TRAM2: variants seen among roughly 807,000 people sequenced by gnomAD.
TRAM2 encodes translocation associated membrane protein 2.
TRAM2 carries 12 observed loss-of-function variants against 51.0 expected under a neutral mutation model. That is an observed-to-expected ratio of 0.24 (90% CI 0.15 to 0.38). The LOEUF (loss-of-function observed/expected upper bound fraction) is 0.38. Ranked by LOEUF, TRAM2 falls within the 10% of genes least tolerant of loss-of-function variation. The probability of loss-of-function intolerance (pLI) is 1.00; values close to 1 mark genes in which losing one functional copy is unlikely to be tolerated. For missense variants in TRAM2, 361 were observed against 462.0 expected (o/e 0.78, Z 2.00); for synonymous variants, 175 against 179.4 (o/e 0.98, Z 0.20).
intron 2 of TRAM2, among the ~76,000 whole-genome samples, chr6:52,528,327 G>A (rs1307973385): frequency 1.3e-5 from 2 of 152,020 alleles, no homozygotes; most frequent in Non-Finnish European, 1.5e-5. Flanking sequence ...GCTTTCATCC[G>A]TAATCAAGTA....
At chr6:52,549,704 T>C (rs1767275384) in intron 1 of TRAM2, among the ~76,000 whole-genome samples, 1 of 152,156 alleles carries the variant, frequency 6.6e-6, no homozygotes, top group South Asian at 2.1e-4. Flanking sequence ...TGCAAATCAC[T>C]GGGGCAAGAG....
chr6:52,516,820 G>T, intron 2 of TRAM2, 83 bp from the exon 3 acceptor site: 1 of 1,049,608 alleles, frequency 9.5e-7, no homozygotes, highest in Non-Finnish European at 1.5e-6. Flanking sequence ...GATGGGAGGC[G>T]AAATGCGCCA....
At chr6:52,546,872 C>G (rs1202819849) in intron 1 of TRAM2, among the ~76,000 whole-genome samples, 1 of 152,266 alleles carries the variant, frequency 6.6e-6, no homozygotes, top group East Asian at 1.9e-4. Flanking sequence ...AGCCCGTGAC[C>G]AGGTTTTTGT....
intron 2 of TRAM2, among the ~76,000 whole-genome samples, chr6:52,534,740 T>C (rs1056474616): frequency 2.6e-5 from 4 of 152,240 alleles, no homozygotes; most frequent in Non-Finnish European, 4.4e-5. Context: ...TCACAGGTTT[T>C]ACACTCCTAT....
chr6:52,545,173 A>T (rs1162711809), intron 1 of TRAM2, among the ~76,000 whole-genome samples: 1 of 152,242 alleles, frequency 6.6e-6, no homozygotes, highest in Non-Finnish European at 1.5e-5. Flanking sequence ...GCCCAGGAAG[A>T]AAACCAAAAA....
In TRAM2 at chr6:52,558,485, T is replaced by C. The variant is rs145748202; in HGVS notation, c.120+18311A>G. Among the ~76,000 whole-genome samples the C allele has an allele frequency of 2.0e-3, 303 of 152,310 alleles. 1 individual carries two copies. Among genetic ancestry groups the C allele is most frequent in the African/African-American group, 6.9e-3 (287 of 41,570 alleles). ...AGAGTTCTGGAGATTGGTTGCACAA[T>C]GTGGATGTGCTTAACACTACTTAAC... On this transcript the variant is annotated intron_variant, in intron 1 of 10. Transcript: ENST00000182527.
At chr6:52,543,832 G>A (rs1358462270) in intron 1 of TRAM2, among the ~76,000 whole-genome samples, 1 of 152,156 alleles carries the variant, frequency 6.6e-6, no homozygotes, top group Non-Finnish European at 1.5e-5. Context: ...GGAACTTCTG[G>A]CATTTCCTGG....
At position 52,503,213 on chromosome 6, in the gene TRAM2, T is replaced by G; in HGVS notation, c.1097A>C (p.Lys366Thr). 1 of 1,613,546 alleles carries G rather than the reference T, an allele frequency of 6.2e-7. No homozygotes were observed. Among genetic ancestry groups the G allele is most frequent in the Non-Finnish European group, 8.5e-7 (1 of 1,179,894 alleles). The change falls in exon 11 of 11, where the codon AAA (lysine) becomes ACA (threonine). Residue 366 changes from lysine to threonine, a missense_variant. By Grantham distance (78) the Lys-to-Thr change is moderately conservative. Transcript: ENST00000182527. ...ACTTTGGCCTTAGGGAGACTTGAGT[T>G]TCTTAGTCCGTGGGGAGGTTCCGTT... is the stretch of plus-strand genomic sequence containing the variant. ...AENGTSPRTKKLKSP is the reference protein window; with the variant it reads ...AENGTSPRTKTLKSP
In TRAM2 at chr6:52,509,429, G is replaced by C. The variant is rs952260079; in HGVS notation, c.470+99C>G. On this transcript the variant is annotated intron_variant, in intron 5 of 10. Coordinates refer to ENST00000182527, the MANE Select transcript of TRAM2 (RefSeq NM_012288.4). ...GGCTCAGGGCATGATCTGCTCGTCA[G>C]GCCAGCTGGGCCTGTGGTGTTCTGG... The C allele has an allele frequency of 3.4e-6, 4 of 1,179,196 alleles. No individual in the cohort carries two copies. In the African/African-American group the frequency reaches 6.1e-5, roughly 18 times the overall value. The allele number at this position is 1,179,196 out of a possible 1,614,324, so 73.0% of individuals were successfully genotyped here.
Position 52,516,014 on chromosome 6 carries a change from C to T in TRAM2, c.403G>A (p.Val135Met), listed in dbSNP as rs775044926. The T allele has an allele frequency of 6.1e-5, 99 of 1,614,084 alleles. No individual in the cohort carries two copies. The highest frequency in any genetic ancestry group is 8.1e-5 in the Non-Finnish European group (96 of 1,180,032). The change falls in exon 4 of 11, where the codon GTG becomes ATG. Residue 135 changes from valine (V) to methionine (M), a missense_variant. By Grantham distance (21) the Val-to-Met change is conservative. Transcript: ENST00000182527. ...TCCTGAGAATGGCTCACCGTCACCACCACGTAGAAGCACCAAATCACCGAG... is the reference window on the plus strand; with the variant it reads ...TCCTGAGAATGGCTCACCGTCACCATCACGTAGAAGCACCAAATCACCGAG... Reference protein sequence around the residue: ...FTSVIWCFYVVVTEGYLTNPR... With the variant: ...FTSVIWCFYVMVTEGYLTNPR...
chr6:52,523,559 T>A (rs987350238), intron 2 of TRAM2: 1 of 152,258 alleles, frequency 6.6e-6, no homozygotes, highest in Non-Finnish European at 1.5e-5. Flanking sequence ...GACAATATAT[T>A]CTTGCTAAGG....
intron 1 of TRAM2, among the ~76,000 whole-genome samples, chr6:52,547,963 AT>A (rs1224419562): frequency 6.6e-6 from 1 of 152,252 alleles, no homozygotes; most frequent in African/African-American, 2.4e-5. Flanking sequence ...TTCTAAACAG[AT>A]ATGTCATGGA....
chr6:52,573,930 C>T (rs996169365), intron 1 of TRAM2, among the ~76,000 whole-genome samples: 2 of 152,160 alleles, frequency 1.3e-5, no homozygotes. Context: ...CCAAGAGAGT[C>T]GCTCTTTGTG....
intron 2 of TRAM2, among the ~76,000 whole-genome samples, chr6:52,533,293 A>C (rs564173631): frequency 6.6e-6 from 1 of 152,366 alleles, no homozygotes; most frequent in South Asian, 2.1e-4. Context: ...CTAAAAAATA[A>C]ATCAGTAAAT....
intron 2 of TRAM2, among the ~76,000 whole-genome samples, chr6:52,534,509 T>G (rs4715306): frequency 0.67 from 101,866 of 152,106 alleles, 34,820 homozygotes; most frequent in East Asian, 0.89. Context: ...AGCGATACTC[T>G]GGTGCTGGTG....
intron 1 of TRAM2, among the ~76,000 whole-genome samples, chr6:52,567,052 A>G (rs754613046): frequency 3.9e-5 from 6 of 152,220 alleles, no homozygotes; most frequent in Non-Finnish European, 8.8e-5. Flanking sequence ...GTTCACACAA[A>G]AGCACTGCTT....
intron 1 of TRAM2, among the ~76,000 whole-genome samples, chr6:52,537,182 G>A (rs968070352): frequency 6.6e-6 from 1 of 152,192 alleles, no homozygotes; most frequent in African/African-American, 2.4e-5. Flanking sequence ...TCTTTGTGCT[G>A]CAGCCTTAGA....
chr6:52,516,205 A>G, intron 3 of TRAM2, 83 bp from the exon 4 acceptor site: 2 of 1,279,622 alleles, frequency 1.6e-6, no homozygotes, highest in East Asian at 4.6e-5. Context: ...TTCTCCCCAC[A>G]GAAGGGTTGA....
At chr6:52,519,949 A>T (rs1766637098) in intron 2 of TRAM2, among the ~76,000 whole-genome samples, 1 of 152,222 alleles carries the variant, frequency 6.6e-6, no homozygotes, top group South Asian at 2.1e-4. Context: ...AGACTAGTCA[A>T]ATTCAGAGAC....
Sources: gnomAD v4.1 joint callset for allele counts (sites outside exome capture counted in the v4.1 genomes callset) on GRCh38, gnomAD v4.1.1 for gene constraint, MANE v1.5 for transcripts, NCBI Gene and HGNC (gene_info 2026-07-23, HGNC 2026-07-21) for gene names.